The following RASEF variants were observed in gnomAD, a reference collection of about 807,000 sequenced individuals.
RASEF encodes ras and EF-hand domain-containing protein.
In RASEF, 68 loss-of-function variants were observed where a neutral mutation model predicts 90.1. That is an observed-to-expected ratio of 0.75 (90% CI 0.62 to 0.92). The LOEUF (loss-of-function observed/expected upper bound fraction) is 0.92. Among genes scored for constraint, RASEF ranks in the 40% least tolerant of loss-of-function variants. The probability of loss-of-function intolerance (pLI) is 0.00; values close to 1 mark genes in which losing one functional copy is unlikely to be tolerated. For missense variants in RASEF, 949 were observed against 937.2 expected (o/e 1.01, Z -0.16); for synonymous variants, 331 against 345.2 (o/e 0.96, Z 0.46).
intron 2 of RASEF, among the ~76,000 whole-genome samples, chr9:83,024,858 G>A (rs1829513935): frequency 6.6e-6 from 1 of 152,198 alleles, no homozygotes; most frequent in Admixed American, 6.5e-5. Flanking sequence ...CCGCCCCTAT[G>A]TAGACAGGGC....
the RASEF span, among the ~76,000 whole-genome samples, chr9:83,116,661 T>C: frequency 6.6e-6 from 1 of 152,210 alleles, no homozygotes; most frequent in African/African-American, 2.4e-5. Context: ...CTGACCATCA[T>C]GGCCCACACT....
intron 3 of RASEF, among the ~76,000 whole-genome samples, chr9:83,021,348 C>T (rs1252162867): frequency 6.6e-6 from 1 of 152,114 alleles, no homozygotes; most frequent in Non-Finnish European, 1.5e-5. Context: ...ATGTTCAGGC[C>T]ACTTGTACAT....
At chr9:83,217,795 G>A in the RASEF span, among the ~76,000 whole-genome samples, 1 of 152,104 alleles carries the variant, frequency 6.6e-6, no homozygotes, top group Non-Finnish European at 1.5e-5. Context: ...AAATAGAGTT[G>A]GGGGGTGGGG....
At chr9:83,101,181 A>C in the RASEF span, among the ~76,000 whole-genome samples, 1 of 152,240 alleles carries the variant, frequency 6.6e-6, no homozygotes, top group Non-Finnish European at 1.5e-5. Flanking sequence ...GGCAATATAG[A>C]AACATGGAGA....
chr9:83,062,160 G>C (rs1830214350), intron 1 of RASEF, among the ~76,000 whole-genome samples: 1 of 152,188 alleles, frequency 6.6e-6, no homozygotes, highest in Non-Finnish European at 1.5e-5. Flanking sequence ...GGCGCCAGCA[G>C]CTGCAGATTT....
upstream of RASEF, among the ~76,000 whole-genome samples, chr9:83,063,477 C>G (rs992849459): frequency 9.2e-5 from 14 of 152,228 alleles, no homozygotes; most frequent in Non-Finnish European, 7.3e-5. Context: ...ACTCCCGAAA[C>G]TTGATAAACT....
At chr9:83,216,766 T>C in the RASEF span, among the ~76,000 whole-genome samples, 1 of 152,076 alleles carries the variant, frequency 6.6e-6, no homozygotes, top group African/African-American at 2.4e-5. Flanking sequence ...CTAGATACAA[T>C]GGGGGTAAAG....
intron 2 of RASEF, among the ~76,000 whole-genome samples, chr9:83,024,065 C>A (rs757872450): frequency 6.6e-6 from 1 of 152,168 alleles, no homozygotes; most frequent in Non-Finnish European, 1.5e-5. Context: ...AAACCCTCCC[C>A]CAATTAAAAA....
chr9:83,096,967 A>C, the RASEF span, among the ~76,000 whole-genome samples: 7 of 151,870 alleles, frequency 4.6e-5, no homozygotes, highest in South Asian at 1.0e-3. Flanking sequence ...TGAACTCATC[A>C]TTTTTTATGG....
intron 6 of RASEF, among the ~76,000 whole-genome samples, chr9:83,008,825 A>G (rs928911710): frequency 2.1e-5 from 3 of 142,298 alleles, no homozygotes; most frequent in Non-Finnish European, 4.5e-5. Flanking sequence ...GATATTTTTT[A>G]GCTCTTCTGT....
chr9:83,029,675 T>C (rs1443351970), intron 1 of RASEF, among the ~76,000 whole-genome samples: 1 of 151,526 alleles, frequency 6.6e-6, no homozygotes, highest in African/African-American at 2.4e-5. Context: ...CCTCCCAAAG[T>C]GCTGGGATTA....
chr9:83,073,231 A>T, the RASEF span, among the ~76,000 whole-genome samples: 18 of 152,020 alleles, frequency 1.2e-4, no homozygotes, highest in Non-Finnish European at 2.1e-4. Flanking sequence ...GGTGCCTGGA[A>T]ATTTATATCC....
chr9:82,999,578 A>G lies in RASEF; in HGVS notation c.1723+591T>C, dbSNP rs568136070. 1.8e-3 allele frequency among the ~76,000 whole-genome samples: 275 copies of G among 151,546 alleles called. 1 individual carries two copies. The highest frequency in any genetic ancestry group is 6.5e-3 in the African/African-American group (269 of 41,296). On this transcript the variant is annotated intron_variant, in intron 12 of 16. Coordinates refer to ENST00000376447, the MANE Select transcript of RASEF (RefSeq NM_152573.4). Reference sequence around the variant, plus strand: ...TATCTCAGGATCTAAATTTGATTCAATTCATCTGATTGGCTAAGCAGATAT... The same window carrying G: ...TATCTCAGGATCTAAATTTGATTCAGTTCATCTGATTGGCTAAGCAGATAT...
chr9:83,168,487 C>T, the RASEF span, among the ~76,000 whole-genome samples: 2 of 151,974 alleles, frequency 1.3e-5, no homozygotes, highest in South Asian at 4.2e-4. Context: ...ATTTATCATT[C>T]GGCACAGCAA....
At chr9:83,006,150 G>C (rs1315472580) in intron 7 of RASEF, among the ~76,000 whole-genome samples, 9 of 152,160 alleles carry the variant, frequency 5.9e-5, no homozygotes, top group Admixed American at 5.2e-4. Context: ...TTCACCCTTC[G>C]CATCTTAGCT....
the RASEF span, among the ~76,000 whole-genome samples, chr9:83,205,344 T>C: frequency 6.6e-6 from 1 of 152,354 alleles, no homozygotes; most frequent in East Asian, 1.9e-4. Context: ...CATTTTTCTG[T>C]TGTCCCACTA....
chr9:83,164,936 C>T, the RASEF span, among the ~76,000 whole-genome samples: 5 of 151,384 alleles, frequency 3.3e-5, no homozygotes, highest in East Asian at 1.9e-4. Context: ...ATAAAGGGGT[C>T]GATAACAGGA....
chr9:83,152,362 A>C, the RASEF span, among the ~76,000 whole-genome samples: 1 of 152,206 alleles, frequency 6.6e-6, no homozygotes, highest in East Asian at 1.9e-4. Flanking sequence ...CATGACAATG[A>C]ATCACAGATT....
chr9:83,157,789 A>G, the RASEF span, among the ~76,000 whole-genome samples: 1 of 152,226 alleles, frequency 6.6e-6, no homozygotes, highest in South Asian at 2.1e-4. Flanking sequence ...CACTGCATTT[A>G]CCAATCTAAA....
Sources: gnomAD v4.1 joint callset for allele counts (sites outside exome capture counted in the v4.1 genomes callset) on GRCh38, gnomAD v4.1.1 for gene constraint, MANE v1.5 for transcripts, NCBI Gene and HGNC (gene_info 2026-07-23, HGNC 2026-07-21) for gene names.